MIER2: variants seen among roughly 807,000 people sequenced by gnomAD.
MIER2 encodes MIER family member 2.
MIER2 carries 30 observed loss-of-function variants against 67.6 expected under a neutral mutation model. The ratio of observed to expected loss-of-function variants is 0.44; its 90% CI spans 0.33 to 0.60. The LOEUF (loss-of-function observed/expected upper bound fraction) is 0.60. MIER2 is among the 20% of genes least tolerant of loss of function. MIER2 has a pLI of 0.02. For synonymous variants in MIER2, 372 were observed against 312.6 expected (o/e 1.19, Z -2.00); for missense variants, 702 against 745.1 (o/e 0.94, Z 0.67).
At chr19:311,716 AC>A in intron 10 of MIER2, 128 bp downstream of exon 10, 1 of 803,242 alleles carries the variant, frequency 1.2e-6, no homozygotes, top group Non-Finnish European at 2.0e-6. Flanking sequence ...CAATGGGCAC[AC>A]GGTGAGGAGG....
rs34129568 is a variant in MIER2 at position 307,345 on chromosome 19, G to A, written c.1390C>T (p.Pro464Ser). The change falls in exon 13 of 14, where the codon CCA becomes TCA. Residue 464 changes from proline to serine, a missense_variant. Pro to Ser is a moderately conservative substitution (Grantham distance 74, BLOSUM62 -1). This residue lies in a region of MIER2 where 254 missense variants were observed against 262.8 expected (regional missense o/e 0.97). Coordinates refer to ENST00000264819, the MANE Select transcript of MIER2 (RefSeq NM_017550.3). ...ACGGCCAGCCTTGGGCTGGCGTCTG[G>A]CTCCGGAGCAGTGACAGCTGGCTGG... is the stretch of plus-strand genomic sequence containing the variant. ...SYQPAVTAPE[P>S]DASPRLAVDF... is the part of the protein sequence containing the mutation. 27,736 of 1,604,406 alleles carry A rather than the reference G, an allele frequency of 0.017. 293 individuals are homozygous for A. Among genetic ancestry groups the A allele is most frequent in the Non-Finnish European group, 0.021 (25,125 of 1,176,294 alleles).
In MIER2 at chr19:306,555, G is replaced by C; in HGVS notation, c.*135C>G. 4 of 1,203,618 alleles carry C rather than the reference G, an allele frequency of 3.3e-6. No individual in the cohort carries two copies. Among genetic ancestry groups the C allele is most frequent in the African/African-American group, 1.5e-5 (1 of 66,512 alleles). 74.6% of individuals were successfully genotyped at this position (1,203,618 alleles called of 1,614,324 possible). A position where few individuals can be genotyped will look rare whatever the true frequency, so the allele number is the denominator to read the frequency against. On this transcript the variant is annotated 3_prime_UTR_variant, in exon 14 of 14. Transcript: ENST00000264819. ...GGCCCAGCCACCTCACCCCAGTCCT[G>C]ACGTGTTCTGAAGCAGAAGGAGGTG...
chr19:340,251 G>A (rs1972442097), intron 1 of MIER2, among the ~76,000 whole-genome samples: 1 of 152,126 alleles, frequency 6.6e-6, no homozygotes, highest in East Asian at 1.9e-4. Context: ...CACTACTGGG[G>A]AACACAACGG....
chr19:329,502 C>T (rs910673327), intron 3 of MIER2, among the ~76,000 whole-genome samples: 1 of 152,156 alleles, frequency 6.6e-6, no homozygotes, highest in African/African-American at 2.4e-5. Context: ...GAGCCCAGTG[C>T]CCGTGGAAGC....
chr19:325,894 G>T (rs931419478), intron 6 of MIER2, among the ~76,000 whole-genome samples, 190 bp from the exon 7 acceptor site: 1 of 152,256 alleles, frequency 6.6e-6, no homozygotes, highest in African/African-American at 2.4e-5. Context: ...GGGTGTGTGA[G>T]GGGTGAGGCT....
At chr19:329,227 A>T (rs1390080282) in intron 3 of MIER2, among the ~76,000 whole-genome samples, 1 of 152,134 alleles carries the variant, frequency 6.6e-6, no homozygotes, top group Non-Finnish European at 1.5e-5. Context: ...GCCTAGTCCC[A>T]GCCCTTCTCC....
At chr19:339,096 A>C (rs1013026130) in intron 1 of MIER2, among the ~76,000 whole-genome samples, 31 of 151,412 alleles carry the variant, frequency 2.0e-4, no homozygotes, top group African/African-American at 6.6e-4. Context: ...AAAAAAAAAA[A>C]CCAAATGGAT....
At chr19:339,539 AGCAATTCCT>A (rs1402299250) in intron 1 of MIER2, among the ~76,000 whole-genome samples, 16 of 152,372 alleles carry the variant, frequency 1.1e-4, no homozygotes, top group African/African-American at 3.8e-4. Context: ...AAAATAGTCC[AGCAATTCCT>A]CCAAAAGTTA....
intron 6 of MIER2, among the ~76,000 whole-genome samples, chr19:325,986 T>G (rs961265959): frequency 6.6e-6 from 1 of 152,158 alleles, no homozygotes; most frequent in East Asian, 1.9e-4. Flanking sequence ...GGGCCCAGGC[T>G]CCGGTCCAAA....
intron 7 of MIER2, among the ~76,000 whole-genome samples, chr19:319,362 A>C (rs1971403226): frequency 1.3e-5 from 2 of 152,224 alleles, no homozygotes; most frequent in Non-Finnish European, 2.9e-5. Context: ...ACCCTGTCAC[A>C]CACACACACA....
intron 3 of MIER2, among the ~76,000 whole-genome samples, chr19:328,968 C>T (rs887359686): frequency 8.5e-5 from 13 of 152,202 alleles, no homozygotes; most frequent in South Asian, 6.2e-4. Context: ...GGAAGAGATG[C>T]GAACTATCAA....
rs1357324041 is a variant in MIER2 at position 329,926 on chromosome 19, C to A, written c.244-1937G>T. On this transcript the variant is annotated intron_variant, in intron 3 of 13. Transcript: ENST00000264819. ...AAAGTGAGCATTTTGTTAAGTCTCACCCTGAGCAGATGTTTCCATGTGCTG... is the reference window on the plus strand; with the variant it reads ...AAAGTGAGCATTTTGTTAAGTCTCAACCTGAGCAGATGTTTCCATGTGCTG... 2.0e-5 allele frequency among the ~76,000 whole-genome samples: 3 copies of A among 151,566 alleles called. No homozygotes were observed. In the East Asian group the frequency reaches 5.8e-4, roughly 29 times the overall value.
At chr19:315,955 G>C (rs1201909302) in intron 7 of MIER2, among the ~76,000 whole-genome samples, 1 of 152,190 alleles carries the variant, frequency 6.6e-6, no homozygotes, top group Non-Finnish European at 1.5e-5. Context: ...GAGAGAAAAG[G>C]GCACAATGAC....
At chr19:326,973 GA>G in intron 5 of MIER2, 159 bp downstream of exon 5, 1 of 1,035,444 alleles carries the variant, frequency 9.7e-7, no homozygotes, top group Non-Finnish European at 1.4e-6. Flanking sequence ...GCGTGGAGGA[GA>G]ACAAAGCACC....
intron 6 of MIER2, among the ~76,000 whole-genome samples, chr19:326,062 C>T: frequency 6.6e-6 from 1 of 152,238 alleles, no homozygotes; most frequent in African/African-American, 2.4e-5. Context: ...AGAAGGGGCA[C>T]AAACCCAGGG....
intron 7 of MIER2, among the ~76,000 whole-genome samples, chr19:320,677 T>C (rs995485064): frequency 6.6e-6 from 1 of 152,164 alleles, no homozygotes; most frequent in African/African-American, 2.4e-5. Context: ...ACACTCCTTA[T>C]GAGAATCTAA....
chr19:325,499 T>A (rs1044596923), intron 7 of MIER2, 136 bp downstream of exon 7: 1 of 995,554 alleles, frequency 1.0e-6, no homozygotes, highest in African/African-American at 1.6e-5. Context: ...TCCCACCTCC[T>A]CCAGCCACAG....
chr19:327,120 CAG>C lies in MIER2; in HGVS notation c.493+11_493+12del, dbSNP rs770750001. 8.9e-6 allele frequency: 14 copies of C among 1,575,000 alleles called. No homozygotes were observed. Among genetic ancestry groups the C allele is most frequent in the South Asian group, 3.5e-5 (3 of 84,806 alleles). ...GCCTGGCTGCGGTGGAGTATGGGGA[CAG>C]AGTCACCTACATCCACTCCGGTTAG... On this transcript the variant is annotated intron_variant, in intron 5 of 13. Transcript: ENST00000264819.
intron 6 of MIER2, 107 bp from the exon 7 acceptor site, chr19:325,811 G>A (rs1165680930): frequency 8.3e-7 from 1 of 1,200,076 alleles, no homozygotes; most frequent in African/African-American, 1.5e-5. Flanking sequence ...CCACTGTCCA[G>A]ACCCCAGACC....
Sources: allele counts gnomAD v4.1 joint callset (sites outside exome capture counted in the v4.1 genomes callset), GRCh38; gene constraint gnomAD v4.1.1; regional missense constraint gnomAD v4.1.1; transcripts MANE v1.5; gene names NCBI Gene and HGNC (gene_info 2026-07-23, HGNC 2026-07-21).